KIRREL3: variants seen among roughly 807,000 people sequenced by gnomAD.
KIRREL3 encodes the protein kirre like nephrin family adhesion molecule 3.
KIRREL3 carries 36 observed loss-of-function variants against 89.7 expected under a neutral mutation model. The ratio of observed to expected loss-of-function variants is 0.40; its 90% CI spans 0.31 to 0.53. The LOEUF is 0.53. KIRREL3 is among the 20% of genes least tolerant of loss of function. The probability of loss-of-function intolerance (pLI) is 0.49; values close to 1 mark genes in which losing one functional copy is unlikely to be tolerated. For missense variants in KIRREL3, 864 were observed against 1,056.6 expected (o/e 0.82, Z 2.53); for synonymous variants, 445 against 441.4 (o/e 1.01, Z -0.10).
At position 126,611,223 on chromosome 11, in the gene KIRREL3, C is replaced by G. The variant is rs1259999536; in HGVS notation, c.56-48311G>C. 6.6e-6 allele frequency among the ~76,000 whole-genome samples: 1 copy of G among 152,154 alleles called. No individual in the cohort carries two copies. On this transcript the variant is annotated intron_variant, in intron 1 of 16. Transcript: ENST00000525144. This position sits in a 1 kb window ranked among gnomAD's most constrained non-coding sequence, Gnocchi z 4.7. Reference sequence around the variant, plus strand: ...GAAACGAGAGAATACATGTAACGTTCTTGGCTCACAGCGCCCGGTGAATGT... The same window carrying G: ...GAAACGAGAGAATACATGTAACGTTGTTGGCTCACAGCGCCCGGTGAATGT...
At chr11:126,597,936 ATCC>A (rs1447433436) in intron 1 of KIRREL3, among the ~76,000 whole-genome samples, 17 of 152,222 alleles carry the variant, frequency 1.1e-4, no homozygotes, top group Admixed American at 1.1e-3. Flanking sequence ...CACCCATAGC[ATCC>A]TATGAGGATT....
At chr11:126,784,610 C>A (rs567910362) in intron 1 of KIRREL3, among the ~76,000 whole-genome samples, 3 of 149,824 alleles carry the variant, frequency 2.0e-5, no homozygotes, top group Non-Finnish European at 3.0e-5. Flanking sequence ...GCTTATCCTG[C>A]ACCTGAACAT....
chr11:126,809,305 A>G (rs1592157879), intron 1 of KIRREL3, among the ~76,000 whole-genome samples: 1 of 152,334 alleles, frequency 6.6e-6, no homozygotes, highest in African/African-American at 2.4e-5. Flanking sequence ...TTATAAAGCC[A>G]TAGGTCTTGT....
rs996556019 is a variant in KIRREL3, at chr11:126,990,433, T to C, written c.55+10022A>G. ...CAGAGGCGAGGAGGAGAGCCCCCCATCCCTCCCGTCCCTTCCCAGCTCCCG... is the reference window on the plus strand; with the variant it reads ...CAGAGGCGAGGAGGAGAGCCCCCCACCCCTCCCGTCCCTTCCCAGCTCCCG... On this transcript the variant is annotated intron_variant, in intron 1 of 16. Transcript: ENST00000525144. This position sits in a 1 kb window ranked among gnomAD's most constrained non-coding sequence, Gnocchi z 6.3. 6.6e-6 allele frequency among the ~76,000 whole-genome samples: 1 copy of C among 151,268 alleles called. No individual in the cohort carries two copies. Among genetic ancestry groups the C allele is most frequent in the Non-Finnish European group, 1.5e-5 (1 of 67,890 alleles).
At chr11:126,619,326 G>A (rs891252730) in intron 1 of KIRREL3, among the ~76,000 whole-genome samples, 2 of 152,342 alleles carry the variant, frequency 1.3e-5, no homozygotes, top group East Asian at 1.9e-4. Context: ...AATCAACTAG[G>A]GGGAGAATGG....
intron 1 of KIRREL3, among the ~76,000 whole-genome samples, chr11:126,638,661 T>C (rs1490010019): frequency 6.6e-6 from 1 of 152,236 alleles, no homozygotes; most frequent in African/African-American, 2.4e-5. Flanking sequence ...ACTTATCCTA[T>C]ATGTTCACGT....
At position 126,892,645 on chromosome 11, in the gene KIRREL3, C is replaced by A. The variant is rs1309920637; in HGVS notation, c.55+107810G>T. Among the ~76,000 whole-genome samples, 1 of 152,152 alleles carries A rather than the reference C, an allele frequency of 6.6e-6. No homozygotes were observed. The highest frequency in any genetic ancestry group is 2.4e-5 in the African/African-American group (1 of 41,434). ...ATTATGTGTGTGTGTTTCCGGTGGG[C>A]AGGTGTGGCTGGAGGCATGACCCCT... On this transcript the variant is annotated intron_variant, in intron 1 of 16. Transcript: ENST00000525144. This position sits in a 1 kb window ranked among gnomAD's most constrained non-coding sequence, Gnocchi z 5.4.
chr11:126,426,044 T>C (rs1048364404), intron 15 of KIRREL3, among the ~76,000 whole-genome samples: 1 of 152,262 alleles, frequency 6.6e-6, no homozygotes, highest in Admixed American at 6.5e-5. Context: ...TTCCATTGAC[T>C]GAACGTTTAT....
At chr11:126,718,989 C>A (rs1373954135) in intron 1 of KIRREL3, among the ~76,000 whole-genome samples, 1 of 152,190 alleles carries the variant, frequency 6.6e-6, no homozygotes, top group Non-Finnish European at 1.5e-5. Flanking sequence ...ATTTAATCAT[C>A]TTCTTACAAA....
intron 2 of KIRREL3, among the ~76,000 whole-genome samples, chr11:126,539,765 T>C (rs994657828): frequency 3.9e-5 from 6 of 152,144 alleles, no homozygotes; most frequent in Admixed American, 3.9e-4. Context: ...GGGTCAATGG[T>C]TCTGGAGCTG....
At chr11:126,702,845 G>A (rs1457655356) in intron 1 of KIRREL3, among the ~76,000 whole-genome samples, 1 of 152,210 alleles carries the variant, frequency 6.6e-6, no homozygotes, top group African/African-American at 2.4e-5. Flanking sequence ...AGACCAACAG[G>A]ACTGGGTGCC....
At chr11:126,727,469 A>T (rs746374447) in intron 1 of KIRREL3, among the ~76,000 whole-genome samples, 2 of 152,306 alleles carry the variant, frequency 1.3e-5, no homozygotes. Context: ...CTGAATCTCA[A>T]CTTGGAGGAC....
At position 126,981,153 on chromosome 11, in the gene KIRREL3, C is replaced by T. The variant is rs1949709962; in HGVS notation, c.55+19302G>A. Among the ~76,000 whole-genome samples the T allele has an allele frequency of 6.6e-6, 1 of 152,184 alleles. No homozygotes were observed. Among genetic ancestry groups the T allele is most frequent in the Non-Finnish European group, 1.5e-5 (1 of 68,028 alleles). ...TTGAAGCCTAATACCACAAACGTAC[C>T]TCTCTGGACAAACTGTCACCTGGAT... On this transcript the variant is annotated intron_variant, in intron 1 of 16. Coordinates refer to ENST00000525144, the MANE Select transcript of KIRREL3 (RefSeq NM_032531.4). This position sits in a 1 kb window ranked among gnomAD's most constrained non-coding sequence, Gnocchi z 4.2.
At position 126,736,541 on chromosome 11, in the gene KIRREL3, G is replaced by C. The variant is rs1478197674; in HGVS notation, c.56-173629C>G. On this transcript the variant is annotated intron_variant, in intron 1 of 16. Coordinates refer to ENST00000525144, the MANE Select transcript of KIRREL3 (RefSeq NM_032531.4). The surrounding 1 kb of genome is among the most constrained non-coding windows in gnomAD (Gnocchi z 5.0). Reference sequence around the variant, plus strand: ...CCTGGGGGCGATTTTGTCCCCAGGGGACATTTGAGAACATCTGAAGATATT... The same window carrying C: ...CCTGGGGGCGATTTTGTCCCCAGGGCACATTTGAGAACATCTGAAGATATT... 6.6e-6 allele frequency among the ~76,000 whole-genome samples: 1 copy of C among 152,170 alleles called. No homozygotes were observed. The highest frequency in any genetic ancestry group is 2.4e-5 in the African/African-American group (1 of 41,434).
intron 5 of KIRREL3, among the ~76,000 whole-genome samples, chr11:126,464,045 G>C (rs1424354422): frequency 1.3e-5 from 2 of 152,138 alleles, no homozygotes; most frequent in Non-Finnish European, 2.9e-5. Context: ...AGGTTGAATG[G>C]TGTCCTCTCC....
At chr11:126,680,473 C>A (rs1205715810) in intron 1 of KIRREL3, among the ~76,000 whole-genome samples, 1 of 152,032 alleles carries the variant, frequency 6.6e-6, no homozygotes, top group Non-Finnish European at 1.5e-5. Context: ...CTCTCCCCTC[C>A]CAGTCCATCA....
chr11:126,762,172 TAAA>T (rs1949685409), intron 1 of KIRREL3, among the ~76,000 whole-genome samples: 1 of 27,010 alleles, frequency 3.7e-5, no homozygotes, highest in Non-Finnish European at 8.4e-5. Flanking sequence ...GAGACTGTCA[TAAA>T]TAAATAAATA....
Position 126,918,583 on chromosome 11 carries a change from T to A in KIRREL3, c.55+81872A>T, listed in dbSNP as rs1011797188. On this transcript the variant is annotated intron_variant, in intron 1 of 16. Coordinates refer to ENST00000525144, the MANE Select transcript of KIRREL3 (RefSeq NM_032531.4). The surrounding 1 kb of genome is among the most constrained non-coding windows in gnomAD (Gnocchi z 6.5). ...CCACTCATGACATAGGTTAGGTACA[T>A]TTACACAGAGAACTAAAATGATACA... 6.6e-6 allele frequency among the ~76,000 whole-genome samples: 1 copy of A among 152,202 alleles called. No individual in the cohort carries two copies. The highest frequency in any genetic ancestry group is 2.4e-5 in the African/African-American group (1 of 41,440).
At chr11:126,503,768 CCTCTCCCTCTTT>C (rs1957936651) in intron 4 of KIRREL3, among the ~76,000 whole-genome samples, 2 of 150,834 alleles carry the variant, frequency 1.3e-5, no homozygotes, top group South Asian at 4.2e-4. Flanking sequence ...AGAGAATCTC[CCTCTCCCTCTTT>C]CCCTCCCTCT....
Sources: gnomAD v4.1 joint callset for allele counts (sites outside exome capture counted in the v4.1 genomes callset) on GRCh38, gnomAD v4.1.1 for gene constraint, Gnocchi (gnomAD v3.1) non-coding constraint, MANE v1.5 for transcripts, NCBI Gene and HGNC (gene_info 2026-07-23, HGNC 2026-07-21) for gene names.